EIF2AK2: variants seen among roughly 807,000 people sequenced by gnomAD.
EIF2AK2 encodes eukaryotic translation initiation factor 2 alpha kinase 2.
In EIF2AK2, 40 loss-of-function variants were observed where a neutral mutation model predicts 70.5. The observed-to-expected ratio is 0.57, with a 90% confidence interval of 0.44 to 0.74. EIF2AK2 has a LOEUF of 0.74. Among genes scored for constraint, EIF2AK2 ranks in the 30% least tolerant of loss-of-function variants. The pLI, the probability that EIF2AK2 is intolerant of heterozygous loss-of-function variation, is 0.00. For synonymous variants in EIF2AK2, 198 were observed against 220.9 expected (o/e 0.90, Z 0.92); for missense variants, 555 against 644.3 (o/e 0.86, Z 1.50).
rs1573039939 is a variant in EIF2AK2 at position 37,147,828 on chromosome 2, A to G, written c.-16-6T>C. 1 of 1,552,102 alleles carries G rather than the reference A, an allele frequency of 6.4e-7. No individual in the cohort carries two copies. The highest frequency in any genetic ancestry group is 8.9e-7 in the Non-Finnish European group (1 of 1,125,064). ...CCATTTCTTCTTCCCGTATCCTACA[A>G]TGGAAGAGACATTTGAATGAGTGAT... On this transcript the variant is annotated splice_region_variant and splice_polypyrimidine_tract_variant and intron_variant, in intron 2 of 16. Transcript: ENST00000233057.
At chr2:37,130,483 G>A (rs1246555565) in intron 10 of EIF2AK2, among the ~76,000 whole-genome samples, 1 of 152,170 alleles carries the variant, frequency 6.6e-6, no homozygotes, top group African/African-American at 2.4e-5. Flanking sequence ...GGCTCCTATA[G>A]ACTGGTTCAG....
At position 37,139,682 on chromosome 2, in the gene EIF2AK2, T is replaced by C. The variant is rs1675259949; in HGVS notation, c.465A>G (p.Gln155=). ...GAAGATATGCAAGTTTAGCGGCCAA[T>C]TGTTTTGCTTCCTGTTTAGTAGAAC... ...GTGSTKQEAK[Q]LAAKLAYLQI... is the part of the protein sequence containing the mutation. The change falls in exon 6 of 17, where the codon CAA becomes CAG. Residue 155 remains glutamine, a synonymous_variant. Coordinates refer to ENST00000233057, the MANE Select transcript of EIF2AK2 (RefSeq NM_001135651.3). 9 of 1,614,156 alleles carry C rather than the reference T, an allele frequency of 5.6e-6. No homozygotes were observed. The highest frequency in any genetic ancestry group is 7.6e-6 in the Non-Finnish European group (9 of 1,180,024).
At chr2:37,107,761 C>T (rs1674011930) in intron 15 of EIF2AK2, among the ~76,000 whole-genome samples, 1 of 152,138 alleles carries the variant, frequency 6.6e-6, no homozygotes, top group Non-Finnish European at 1.5e-5. Flanking sequence ...TCCCTTCATG[C>T]ATTTTGGAAC....
chr2:37,123,272 T>A (rs188790167), intron 11 of EIF2AK2, among the ~76,000 whole-genome samples: 18 of 152,218 alleles, frequency 1.2e-4, no homozygotes, highest in African/African-American at 3.1e-4. Context: ...TTAATTAATT[T>A]ATTTATTTTA....
chr2:37,135,632 C>CTT, intron 9 of EIF2AK2, 86 bp from the exon 10 acceptor site: 5 of 1,254,028 alleles, frequency 4.0e-6, no homozygotes, highest in Non-Finnish European at 2.2e-6. Context: ...CTTTTTCTTT[C>CTT]TTTTTTTTTC....
chr2:37,117,269 G>A (rs1424552648), intron 13 of EIF2AK2, among the ~76,000 whole-genome samples: 1 of 151,378 alleles, frequency 6.6e-6, no homozygotes, highest in Non-Finnish European at 1.5e-5. Context: ...TGGGTATGGT[G>A]GCTCATGCCT....
chr2:37,111,799 G>A (rs181429288), intron 14 of EIF2AK2, among the ~76,000 whole-genome samples: 154 of 143,280 alleles, frequency 1.1e-3, no homozygotes, highest in African/African-American at 3.7e-3. Flanking sequence ...TCGAGGCTGC[G>A]CAGTGGTGAG....
At chr2:37,148,751 T>C in intron 2 of EIF2AK2, 106 bp downstream of exon 2, 1 of 836,066 alleles carries the variant, frequency 1.2e-6, no homozygotes, top group Non-Finnish European at 2.1e-6. Flanking sequence ...GAAGTCGTGT[T>C]GTGACCCATT....
At chr2:37,137,277 T>C (rs1008136701) in intron 8 of EIF2AK2, among the ~76,000 whole-genome samples, 10 of 152,268 alleles carry the variant, frequency 6.6e-5, no homozygotes, top group Non-Finnish European at 2.9e-5. Context: ...TAATATTTGT[T>C]GCCCATTTGG....
chr2:37,141,742 A>G (rs1278180947), intron 4 of EIF2AK2, 41 bp from the exon 5 acceptor site: 3 of 1,551,010 alleles, frequency 1.9e-6, no homozygotes, highest in Non-Finnish European at 1.7e-6. Flanking sequence ...AAATGACAAC[A>G]AAGATTTAAC....
At chr2:37,114,918 C>A (rs1573001886) in intron 13 of EIF2AK2, 59 bp from the exon 14 acceptor site, 3 of 1,194,506 alleles carry the variant, frequency 2.5e-6, no homozygotes, top group Non-Finnish European at 2.3e-6. Flanking sequence ...TACCACATGT[C>A]TTAATTATAT....
At position 37,156,906 on chromosome 2, in the gene EIF2AK2, A is replaced by ACCTGCG. The variant is rs1479441120; in HGVS notation, c.-188_-184+1dup. The ACCTGCG allele has an allele frequency of 5.8e-6, 1 of 173,308 alleles. No individual in the cohort carries two copies. The highest frequency in any genetic ancestry group is 2.7e-5 in the African/African-American group (1 of 36,538). The allele number at this position is 173,308 out of a possible 1,614,324, so 10.7% of individuals were successfully genotyped here. On this transcript the variant is annotated splice_donor_variant, in intron 1 of 16. Transcript: ENST00000233057. LOFTEE classifies it low-confidence loss of function (5UTR_SPLICE). Reference sequence around the variant, plus strand: ...CCCTCGGCTGCCCCCTGCCCTGCTCACCTGCGCCGCCGCCGCCGCCGCCGC... The same window carrying ACCTGCG: ...CCCTCGGCTGCCCCCTGCCCTGCTCACCTGCGCCTGCGCCGCCGCCGCCGCCGCCGC...
In EIF2AK2 at chr2:37,135,558, G is replaced by C. The variant is rs771811874; in HGVS notation, c.723-12C>G. On this transcript the variant is annotated splice_polypyrimidine_tract_variant and intron_variant, in intron 9 of 16. Coordinates refer to ENST00000233057, the MANE Select transcript of EIF2AK2 (RefSeq NM_001135651.3). ...TGGGTGCCAAAGATCTAAAAATTAA[G>C]AGTTGAATGTAAAACTCAAATAAAA... The C allele has an allele frequency of 8.1e-6, 13 of 1,604,700 alleles. No homozygotes were observed. Among genetic ancestry groups the C allele is most frequent in the Admixed American group, 3.4e-5 (2 of 58,964 alleles).
chr2:37,127,399 C>T (rs191241657), intron 10 of EIF2AK2, among the ~76,000 whole-genome samples: 150 of 152,306 alleles, frequency 9.8e-4, no homozygotes, highest in Non-Finnish European at 1.7e-3. Flanking sequence ...CAACAGCCAA[C>T]CTTTGCATTC....
chr2:37,109,396 C>T (rs925717773), intron 14 of EIF2AK2, 101 bp from the exon 15 acceptor site: 10 of 936,486 alleles, frequency 1.1e-5, no homozygotes, highest in Middle Eastern at 2.3e-4. Context: ...TCTTACACCA[C>T]AAAACAATGT....
chr2:37,137,287 G>T (rs1675161988), intron 8 of EIF2AK2, among the ~76,000 whole-genome samples: 1 of 151,950 alleles, frequency 6.6e-6, no homozygotes, highest in Non-Finnish European at 1.5e-5. Flanking sequence ...TGCCCATTTG[G>T]GTATCTCTTC....
chr2:37,123,743 T>C lies in EIF2AK2; in HGVS notation c.909-1079A>G, dbSNP rs1043375958. Among the ~76,000 whole-genome samples the C allele has an allele frequency of 2.6e-5, 4 of 152,182 alleles. No homozygotes were observed. In the East Asian group the frequency reaches 7.7e-4, roughly 29 times the overall value. On this transcript the variant is annotated intron_variant, in intron 11 of 16. Transcript: ENST00000233057. Reference sequence around the variant, plus strand: ...AAATATACACAAAGAGGATAACTTATGCAGAGAAGGTGAAATGGTGGAAGG... The same window carrying C: ...AAATATACACAAAGAGGATAACTTACGCAGAGAAGGTGAAATGGTGGAAGG...
rs1310535812 is a variant in EIF2AK2, at chr2:37,135,360, C to T, written c.785+124G>A. ...TAAGCCTAAGACTATTGTTCTTACC[C>T]TGCGTAGTTAATCTTATTCAAATAT... On this transcript the variant is annotated intron_variant, in intron 10 of 16. Transcript: ENST00000233057. The T allele has an allele frequency of 3.9e-6, 3 of 765,200 alleles. No homozygotes were observed. In the Admixed American group the frequency reaches 7.2e-5, roughly 18 times the overall value. The allele number at this position is 765,200 out of a possible 1,614,324, so 47.4% of individuals were successfully genotyped here.
At chr2:37,147,957 A>G (rs890537675) in intron 2 of EIF2AK2, 135 bp from the exon 3 acceptor site, 2 of 513,436 alleles carry the variant, frequency 3.9e-6, no homozygotes, top group East Asian at 5.8e-5. Flanking sequence ...ACATAAATGC[A>G]GAGACTTTCT....
Sources: allele counts gnomAD v4.1 joint callset (sites outside exome capture counted in the v4.1 genomes callset), GRCh38; gene constraint gnomAD v4.1.1; transcripts MANE v1.5; gene names NCBI Gene and HGNC (gene_info 2026-07-23, HGNC 2026-07-21).